The following PHF24 variants were observed in gnomAD, a reference collection of about 807,000 sequenced individuals.
The protein encoded by PHF24 is Galpha inhibitory interacting protein.
PHF24 carries 25 observed loss-of-function variants against 42.6 expected under a neutral mutation model. The ratio of observed to expected loss-of-function variants is 0.59; its 90% CI spans 0.43 to 0.82. PHF24 has a LOEUF of 0.82. PHF24 is among the 40% of genes least tolerant of loss of function. The probability of loss-of-function intolerance (pLI) is 0.00; values close to 1 mark genes in which losing one functional copy is unlikely to be tolerated. For synonymous variants in PHF24, 185 were observed against 204.8 expected, an observed-to-expected ratio of 0.90 and a Z score of 0.83; for missense variants, 470 against 538.1, an observed-to-expected ratio of 0.87 and a Z score of 1.25.
chr9:34,720,457 A>C, the PHF24 span, among the ~76,000 whole-genome samples: 58 of 149,802 alleles, frequency 3.9e-4, 3 homozygotes, highest in African/African-American at 1.4e-3. Context: ...GTCTCAAAAA[A>C]AAAACAAAAC....
chr9:34,745,304 G>T, the PHF24 span, among the ~76,000 whole-genome samples: 1 of 152,178 alleles, frequency 6.6e-6, no homozygotes, highest in East Asian at 1.9e-4. Context: ...GGTGAGCCAT[G>T]GTCAAGAGGA....
chr9:34,886,781 T>TG, the PHF24 span, among the ~76,000 whole-genome samples: 4 of 132,520 alleles, frequency 3.0e-5, no homozygotes, highest in African/African-American at 1.1e-4. Flanking sequence ...TCTGTCTGTC[T>TG]ACTCTGTCTA....
the PHF24 span, among the ~76,000 whole-genome samples, chr9:34,850,918 T>C: frequency 6.6e-6 from 1 of 152,226 alleles, no homozygotes; most frequent in Admixed American, 6.5e-5. Context: ...CAGCGGATTT[T>C]TGTGAACCGC....
chr9:34,756,887 C>G, the PHF24 span, among the ~76,000 whole-genome samples: 1 of 145,610 alleles, frequency 6.9e-6, no homozygotes, highest in East Asian at 1.9e-4. Context: ...CTTCAGATTC[C>G]TTCATCAGTG....
chr9:34,714,015 T>C, the PHF24 span, among the ~76,000 whole-genome samples: 1 of 152,074 alleles, frequency 6.6e-6, no homozygotes, highest in South Asian at 2.1e-4. Flanking sequence ...ATGGAGGTAC[T>C]GTTGGGAGGG....
At chr9:34,732,938 G>A in the PHF24 span, among the ~76,000 whole-genome samples, 4 of 151,766 alleles carry the variant, frequency 2.6e-5, no homozygotes, top group Non-Finnish European at 4.4e-5. Flanking sequence ...TCCTATATCC[G>A]TGGATATTTC....
At chr9:34,968,342 TA>T (rs1243267454) in intron 1 of PHF24, among the ~76,000 whole-genome samples, 2 of 152,254 alleles carry the variant, frequency 1.3e-5, no homozygotes, top group Admixed American at 1.3e-4. Context: ...AATTACAATT[TA>T]TTCTTAGTTG....
chr9:34,773,978 AT>A, the PHF24 span, among the ~76,000 whole-genome samples: 2 of 152,236 alleles, frequency 1.3e-5, no homozygotes, highest in African/African-American at 4.8e-5. Context: ...ATAATGATGT[AT>A]CAATATTAGT....
chr9:34,691,180 G>A, the PHF24 span: 23 of 1,596,112 alleles, frequency 1.4e-5, no homozygotes, highest in East Asian at 2.2e-5. Flanking sequence ...ATGTGTGAGC[G>A]CCAGCTGTCT....
chr9:34,821,443 T>G, the PHF24 span, among the ~76,000 whole-genome samples: 1 of 152,218 alleles, frequency 6.6e-6, no homozygotes, highest in Non-Finnish European at 1.5e-5. Flanking sequence ...CCTTTATGTT[T>G]ATGGTTATGA....
chr9:34,767,282 G>A, the PHF24 span, among the ~76,000 whole-genome samples: 2 of 152,228 alleles, frequency 1.3e-5, no homozygotes, highest in African/African-American at 4.8e-5. Context: ...CTAACTTTTT[G>A]TTTGTCCGTG....
the PHF24 span, among the ~76,000 whole-genome samples, chr9:34,842,765 T>C: frequency 3.3e-5 from 5 of 152,238 alleles, no homozygotes; most frequent in African/African-American, 1.2e-4. Flanking sequence ...GCATGAATGA[T>C]TAAAACTGTG....
chr9:34,869,108 T>C, the PHF24 span, among the ~76,000 whole-genome samples: 4 of 152,254 alleles, frequency 2.6e-5, no homozygotes, highest in African/African-American at 7.2e-5. Flanking sequence ...GGTTGCATAG[T>C]ATTCCATGGT....
chr9:34,745,254 A>G, the PHF24 span, among the ~76,000 whole-genome samples: 1 of 152,186 alleles, frequency 6.6e-6, no homozygotes, highest in Admixed American at 6.5e-5. Flanking sequence ...TTGCTGCTCC[A>G]TACTGGCTTC....
intron 7 of PHF24, 74 bp downstream of exon 7, chr9:34,977,715 T>G: frequency 1.6e-6 from 2 of 1,270,148 alleles, no homozygotes; most frequent in East Asian, 2.5e-5. Context: ...GAGAGGGCAT[T>G]ACCCACTCCC....
the PHF24 span, among the ~76,000 whole-genome samples, chr9:34,947,383 G>C: frequency 6.6e-6 from 1 of 151,812 alleles, no homozygotes; most frequent in Non-Finnish European, 1.5e-5. Flanking sequence ...CGTGGTGGTG[G>C]TGATGCTGGT....
the PHF24 span, among the ~76,000 whole-genome samples, chr9:34,901,949 A>G: frequency 9.9e-3 from 1,509 of 152,298 alleles, 22 homozygotes; most frequent in Middle Eastern, 0.041. Context: ...AAGAAACAAG[A>G]TTGTTAAAAA....
the PHF24 span, chr9:34,917,225 C>T: frequency 1.2e-5 from 16 of 1,378,816 alleles, no homozygotes; most frequent in South Asian, 2.3e-5. Context: ...AGCAGGTGTA[C>T]ATATCCCTGC....
At chr9:34,874,971 A>G in the PHF24 span, among the ~76,000 whole-genome samples, 1 of 152,152 alleles carries the variant, frequency 6.6e-6, no homozygotes, top group African/African-American at 2.4e-5. Flanking sequence ...TAATCTAATT[A>G]TTAACACATT....
Sources: gnomAD v4.1 joint callset for allele counts (sites outside exome capture counted in the v4.1 genomes callset) on GRCh38, gnomAD v4.1.1 for gene constraint, MANE v1.5 for transcripts, NCBI Gene and HGNC (gene_info 2026-07-23, HGNC 2026-07-21) for gene names.